The following CDC25C variants were observed in gnomAD, a reference collection of about 807,000 sequenced individuals.
The protein encoded by CDC25C is M-phase inducer phosphatase 3.
In CDC25C, 48 loss-of-function variants were observed where a neutral mutation model predicts 52.5. That is an observed-to-expected ratio of 0.91 (90% CI 0.72 to 1.16). The LOEUF (loss-of-function observed/expected upper bound fraction) is 1.16. CDC25C is among the 50% of genes most tolerant of loss of function. CDC25C has a pLI of 0.00. For missense variants in CDC25C, 510 were observed against 566.1 expected, an observed-to-expected ratio of 0.90 and a Z score of 1.01; for synonymous variants, 187 against 206.5, an observed-to-expected ratio of 0.91 and a Z score of 0.81.
chr5:138,335,300 C>T (rs1760629495), upstream of CDC25C: 2 of 152,304 alleles, frequency 1.3e-5, no homozygotes, highest in African/African-American at 4.8e-5. Context: ...CTTCTCCCCA[C>T]TTTGCAGAGG....
At chr5:138,303,040 G>A (rs1757751270) in intron 7 of CDC25C, among the ~76,000 whole-genome samples, 1 of 152,152 alleles carries the variant, frequency 6.6e-6, no homozygotes, top group Admixed American at 6.5e-5. Flanking sequence ...ACGCACTCCA[G>A]CCTGGGCAAG....
In CDC25C at chr5:138,298,278, G is replaced by C. The variant is rs555580025; in HGVS notation, c.616-6162C>G. Among the ~76,000 whole-genome samples the C allele has an allele frequency of 3.3e-5, 5 of 151,406 alleles. No homozygotes were observed. The South Asian group carries it at 1.0e-3, about 32-fold the overall frequency. ...AGCCTCCCAAAGTGCTGGGATTACA[G>C]ATGTGAGCCACCACACCCAGTGATA... On this transcript the variant is annotated intron_variant, in intron 7 of 13. Coordinates refer to ENST00000323760, the MANE Select transcript of CDC25C (RefSeq NM_001790.5).
intron 7 of CDC25C, among the ~76,000 whole-genome samples, chr5:138,310,297 C>A (rs755979019): frequency 1.3e-5 from 2 of 152,188 alleles, no homozygotes; most frequent in Non-Finnish European, 2.9e-5. Flanking sequence ...AAGTGCCATG[C>A]ATGTCTACCT....
chr5:138,292,086 A>G lies in CDC25C; in HGVS notation c.646T>C (p.Ser216Pro). The change falls in exon 8 of 14, where the codon TCG (serine) becomes CCG (proline). Residue 216 changes from serine to proline, a missense_variant. By Grantham distance (74) the Ser-to-Pro change is moderately conservative (BLOSUM62 -1). Coordinates refer to ENST00000323760, the MANE Select transcript of CDC25C (RefSeq NM_001790.5). ...GGCCTGTTCAAGTTCTCTGGCATCG[A>G]CGGGGAGCGATATAGGCCACTTCTG... ...VSRSGLYRSP[S>P]MPENLNRPRL... 3 of 1,613,190 alleles carry G rather than the reference A, an allele frequency of 1.9e-6. No individual in the cohort carries two copies. The South Asian group carries it at 3.3e-5, about 18-fold the overall frequency.
intron 7 of CDC25C, 67 bp from the exon 8 acceptor site, chr5:138,292,183 A>T (rs1247658653): frequency 7.7e-7 from 1 of 1,301,366 alleles, no homozygotes; most frequent in East Asian, 2.5e-5. Flanking sequence ...TGCAGCAACA[A>T]CATCTCCTGG....
At chr5:138,297,613 T>C (rs762533042) in intron 7 of CDC25C, among the ~76,000 whole-genome samples, 1 of 152,242 alleles carries the variant, frequency 6.6e-6, no homozygotes, top group Non-Finnish European at 1.5e-5. Context: ...TCCAAATTTC[T>C]ATCTTTAGTC....
intron 6 of CDC25C, among the ~76,000 whole-genome samples, chr5:138,320,300 C>T: frequency 6.6e-6 from 1 of 151,028 alleles, no homozygotes; most frequent in South Asian, 2.1e-4. Flanking sequence ...GCAAAGACTC[C>T]ATCTTGGAAA....
chr5:138,322,253 G>A (rs975377328), intron 6 of CDC25C, among the ~76,000 whole-genome samples: 33 of 149,766 alleles, frequency 2.2e-4, no homozygotes, highest in East Asian at 4.1e-4. Context: ...CGCCTGCCTC[G>A]GCCTCCCAAA....
intron 6 of CDC25C, among the ~76,000 whole-genome samples, chr5:138,325,500 AAAAC>A (rs1008260579): frequency 5.9e-5 from 9 of 152,180 alleles, no homozygotes; most frequent in Non-Finnish European, 8.8e-5. Flanking sequence ...CCTACCTGTT[AAAAC>A]AAACAAACAA....
chr5:138,334,289 A>C (rs1760580377), upstream of CDC25C, among the ~76,000 whole-genome samples: 1 of 152,050 alleles, frequency 6.6e-6, no homozygotes, highest in Non-Finnish European at 1.5e-5. Flanking sequence ...GCTACTTGGG[A>C]GGATCACTTG....
rs374941759 is a variant in CDC25C at position 138,292,036 on chromosome 5, G to A, written c.696C>T (p.Phe232=). Residue 232 remains phenylalanine (F), a synonymous_variant, in exon 8 of 14, where the codon TTC becomes TTT. Coordinates refer to ENST00000323760, the MANE Select transcript of CDC25C (RefSeq NM_001790.5). ...NRPRLKQVEK[F]KDNTIPDKVK... ...CTTTATCTGGTATTGTGTTGTCCTT[G>A]AATTTTTCCACCTGCTTCAGTCTTG... 1 of 1,613,416 alleles carries A rather than the reference G, an allele frequency of 6.2e-7. No homozygotes were observed. The highest frequency in any genetic ancestry group is 1.3e-5 in the African/African-American group (1 of 74,836).
At chr5:138,325,992 C>T (rs1561719080) in intron 5 of CDC25C, 29 bp downstream of exon 5, 11 of 1,613,978 alleles carry the variant, frequency 6.8e-6, no homozygotes, top group Non-Finnish European at 9.3e-6. Context: ...AAAAGCAAAA[C>T]AAAACCCAAA....
At chr5:138,287,469 C>T (rs570482959) in intron 10 of CDC25C, among the ~76,000 whole-genome samples, 1 of 152,242 alleles carries the variant, frequency 6.6e-6, no homozygotes, top group South Asian at 2.1e-4. Flanking sequence ...TTTTAGAGAA[C>T]CAAAATAGCT....
intron 7 of CDC25C, among the ~76,000 whole-genome samples, chr5:138,306,465 G>A (rs887964807): frequency 3.3e-5 from 5 of 151,608 alleles, no homozygotes; most frequent in East Asian, 1.9e-4. Context: ...ATTTATTTCC[G>A]TTTATTATTA....
chr5:138,332,044 G>A (rs1161396118), upstream of CDC25C: 1 of 302,932 alleles, frequency 3.3e-6, no homozygotes, highest in Non-Finnish European at 4.8e-6. Context: ...TGCGGGGTAA[G>A]CTCCGCCTCA....
At chr5:138,325,520 CA>C (rs1442745371) in intron 6 of CDC25C, among the ~76,000 whole-genome samples, 2 of 152,034 alleles carry the variant, frequency 1.3e-5, no homozygotes, top group Non-Finnish European at 2.9e-5. Context: ...AACAAACAAA[CA>C]AAAAACTCCT....
At chr5:138,304,568 C>A (rs1282106902) in intron 7 of CDC25C, among the ~76,000 whole-genome samples, 1 of 149,528 alleles carries the variant, frequency 6.7e-6, no homozygotes, top group African/African-American at 2.5e-5. Flanking sequence ...TGCAGTGGCA[C>A]GATCATGGCT....
Position 138,314,985 on chromosome 5 carries a change from C to T in CDC25C, c.615+4234G>A, listed in dbSNP as rs1004394350. 8.6e-5 allele frequency among the ~76,000 whole-genome samples: 12 copies of T among 139,592 alleles called. No homozygotes were observed. In the East Asian group the frequency reaches 1.7e-3, roughly 20 times the overall value. 91.6% of individuals were successfully genotyped at this position (139,592 alleles called of 152,430 possible). On this transcript the variant is annotated intron_variant, in intron 7 of 13. Coordinates refer to ENST00000323760, the MANE Select transcript of CDC25C (RefSeq NM_001790.5). ...CTCTGTTGCCCAGGCTGGAGTACAG[C>T]GGTGCGATCTCGGCTCACTGCAGCC...
At chr5:138,289,017 TACAGTGGC>T (rs1756491076) in intron 10 of CDC25C, among the ~76,000 whole-genome samples, 1 of 152,086 alleles carries the variant, frequency 6.6e-6, no homozygotes, top group Non-Finnish European at 1.5e-5. Flanking sequence ...CAGGCTGGAG[TACAGTGGC>T]ACGATCTCTG....
Sources: gnomAD v4.1 joint callset for allele counts (sites outside exome capture counted in the v4.1 genomes callset) on GRCh38, gnomAD v4.1.1 for gene constraint, MANE v1.5 for transcripts, NCBI Gene and HGNC (gene_info 2026-07-23, HGNC 2026-07-21) for gene names.